The following PCSK5 variants were observed in gnomAD, a reference collection of about 807,000 sequenced individuals.
PCSK5 encodes proprotein convertase subtilisin/kexin type 5, also known as prohormone convertase 5.
In PCSK5, 129 loss-of-function variants were observed where a neutral mutation model predicts 233.2. That is an observed-to-expected ratio of 0.55 (90% CI 0.48 to 0.64). The LOEUF (loss-of-function observed/expected upper bound fraction) is 0.64, where lower values mean the gene tolerates loss of function less well. PCSK5 is among the 30% of genes least tolerant of loss of function. PCSK5 has a pLI of 0.00. For synonymous variants in PCSK5, 825 were observed against 879.2 expected (o/e 0.94, Z 1.09); for missense variants, 2,076 against 2,430.1 (o/e 0.85, Z 3.06).
intron 2 of PCSK5, among the ~76,000 whole-genome samples, chr9:75,971,575 C>T (rs535822042): frequency 2.7e-4 from 41 of 152,264 alleles, no homozygotes; most frequent in African/African-American, 8.9e-4. Context: ...TCCTGTTTCT[C>T]GACAGTCTCA....
intron 20 of PCSK5, among the ~76,000 whole-genome samples, chr9:76,217,685 G>A (rs1016862972): frequency 2.6e-5 from 4 of 152,128 alleles, no homozygotes; most frequent in East Asian, 1.9e-4. Flanking sequence ...ATCGTCATCC[G>A]AGCACACAGT....
chr9:75,934,518 CT>C (rs55969151), intron 2 of PCSK5, among the ~76,000 whole-genome samples: 18,096 of 151,454 alleles, frequency 0.12, 1,151 homozygotes, highest in Non-Finnish European at 0.13. Context: ...CATTGCAGTG[CT>C]TCTCAGTGTT....
intron 14 of PCSK5, among the ~76,000 whole-genome samples, chr9:76,177,292 C>CAA (rs201510935): frequency 7.0e-6 from 1 of 142,526 alleles, no homozygotes; most frequent in African/African-American, 2.6e-5. Context: ...GACTCAGTCT[C>CAA]AAAAAAAAAG....
At position 76,294,863 on chromosome 9, in the gene PCSK5, G is replaced by A. The variant is rs147784461; in HGVS notation, c.3186-412G>A. On this transcript the variant is annotated intron_variant, in intron 25 of 37. Coordinates refer to ENST00000674117, the MANE Select transcript of PCSK5 (RefSeq NM_001372043.1). Reference sequence around the variant, plus strand: ...TCAATTATCCACTCCTGTTGAAAATGCTGCACAGGCTGGGCGTGGTGGCTC... The same window carrying A: ...TCAATTATCCACTCCTGTTGAAAATACTGCACAGGCTGGGCGTGGTGGCTC... 1.8e-3 allele frequency among the ~76,000 whole-genome samples: 274 copies of A among 152,210 alleles called. 2 individuals are homozygous for A. Among genetic ancestry groups the A allele is most frequent in the African/African-American group, 6.3e-3 (261 of 41,542 alleles).
chr9:76,322,814 G>C (rs1587327269), intron 31 of PCSK5, among the ~76,000 whole-genome samples: 1 of 152,160 alleles, frequency 6.6e-6, no homozygotes, highest in South Asian at 2.1e-4. Context: ...CCTCCAAAGG[G>C]CAGACCATTT....
chr9:75,992,238 A>G (rs1381103766), intron 3 of PCSK5, among the ~76,000 whole-genome samples: 4 of 152,208 alleles, frequency 2.6e-5, no homozygotes, highest in Non-Finnish European at 5.9e-5. Flanking sequence ...CTTGCGCTGA[A>G]TTCGAAATAC....
At chr9:76,085,328 A>T (rs936784069) in intron 7 of PCSK5, among the ~76,000 whole-genome samples, 2 of 152,190 alleles carry the variant, frequency 1.3e-5, no homozygotes, top group Non-Finnish European at 2.9e-5. Flanking sequence ...TGAGGCCTAT[A>T]GTGGTATAGA....
intron 9 of PCSK5, among the ~76,000 whole-genome samples, chr9:76,126,402 T>G (rs1832855211): frequency 6.6e-6 from 1 of 151,820 alleles, no homozygotes; most frequent in South Asian, 2.1e-4. Flanking sequence ...TCACCTGAGG[T>G]CAGGAGTTCG....
intron 9 of PCSK5, among the ~76,000 whole-genome samples, chr9:76,120,543 A>G (rs932031513): frequency 2.0e-5 from 3 of 152,036 alleles, no homozygotes; most frequent in Non-Finnish European, 4.4e-5. Context: ...TATTTTTTGG[A>G]GTAGCAAGTA....
intron 5 of PCSK5, among the ~76,000 whole-genome samples, chr9:76,058,978 C>A (rs558644863): frequency 1.3e-5 from 2 of 152,036 alleles, no homozygotes; most frequent in Non-Finnish European, 2.9e-5. Context: ...GACCCACACC[C>A]ACTTCCCCAC....
At chr9:76,240,388 G>A (rs1826391699) in intron 23 of PCSK5, among the ~76,000 whole-genome samples, 2 of 152,272 alleles carry the variant, frequency 1.3e-5, no homozygotes, top group South Asian at 4.2e-4. Flanking sequence ...CATGGCATAT[G>A]GTCCAACCTG....
At chr9:75,890,389 G>A (rs886314421), upstream of PCSK5, among the ~76,000 whole-genome samples, 1 of 152,152 alleles carries the variant, frequency 6.6e-6, no homozygotes, top group African/African-American at 2.4e-5. Context: ...AGTCTTTCGG[G>A]AAGTGGCGGT....
At chr9:76,135,849 CT>C (rs1442874881) in intron 10 of PCSK5, among the ~76,000 whole-genome samples, 1 of 152,020 alleles carries the variant, frequency 6.6e-6, no homozygotes, top group African/African-American at 2.4e-5. Context: ...GAATAAATAT[CT>C]TAGTTTTACT....
intron 37 of PCSK5, among the ~76,000 whole-genome samples, chr9:76,355,331 G>A (rs1281780438): frequency 6.6e-6 from 1 of 152,116 alleles, no homozygotes; most frequent in African/African-American, 2.4e-5. Context: ...AAATTAGCCA[G>A]GCGTGGTGGC....
chr9:76,192,825 T>C (rs1239888698), intron 20 of PCSK5, among the ~76,000 whole-genome samples: 1 of 152,218 alleles, frequency 6.6e-6, no homozygotes, highest in Non-Finnish European at 1.5e-5. Context: ...CATCTTTTCC[T>C]TTGTGTTACT....
intron 27 of PCSK5, among the ~76,000 whole-genome samples, chr9:76,299,364 G>A (rs1268127632): frequency 6.6e-6 from 1 of 152,154 alleles, no homozygotes; most frequent in African/African-American, 2.4e-5. Flanking sequence ...TCCCTAAATG[G>A]CAGGAATAAA....
chr9:76,014,410 T>C (rs1827858979), intron 3 of PCSK5, among the ~76,000 whole-genome samples: 1 of 152,164 alleles, frequency 6.6e-6, no homozygotes, highest in Admixed American at 6.5e-5. Flanking sequence ...TGTTAAGAAA[T>C]ATTTGATTTT....
At chr9:76,070,200 C>G (rs996494554) in intron 6 of PCSK5, among the ~76,000 whole-genome samples, 3 of 152,052 alleles carry the variant, frequency 2.0e-5, no homozygotes, top group African/African-American at 7.2e-5. Flanking sequence ...CGGGGTTTCA[C>G]CATGTTAGCC....
intron 10 of PCSK5, among the ~76,000 whole-genome samples, chr9:76,150,385 A>G (rs1240773237): frequency 6.6e-6 from 1 of 152,156 alleles, no homozygotes; most frequent in East Asian, 1.9e-4. Context: ...TGTAATCCCA[A>G]AAGTTTGGGA....
Sources: allele counts gnomAD v4.1 joint callset (sites outside exome capture counted in the v4.1 genomes callset), GRCh38; gene constraint gnomAD v4.1.1; transcripts MANE v1.5; gene names NCBI Gene and HGNC (gene_info 2026-07-23, HGNC 2026-07-21).